ARHGAP24: variants seen among roughly 807,000 people sequenced by gnomAD.
The protein encoded by ARHGAP24 is Rho GTPase activating protein 24.
Under a neutral mutation model 76.4 loss-of-function variants are expected in ARHGAP24, and 50 were observed. That is an observed-to-expected ratio of 0.65 (90% CI 0.52 to 0.83). ARHGAP24 has a LOEUF of 0.83. Ranked by LOEUF, ARHGAP24 falls within the 40% of genes least tolerant of loss-of-function variation. The probability of loss-of-function intolerance (pLI) is 0.00; values close to 1 mark genes in which losing one functional copy is unlikely to be tolerated. For synonymous variants in ARHGAP24, 345 were observed against 323.3 expected, an observed-to-expected ratio of 1.07 and a Z score of -0.72; for missense variants, 930 against 914.2, an observed-to-expected ratio of 1.02 and a Z score of -0.22.
chr4:85,533,016 GA>G (rs1206168067), intron 1 of ARHGAP24, among the ~76,000 whole-genome samples: 20 of 152,162 alleles, frequency 1.3e-4, no homozygotes, highest in African/African-American at 4.8e-4. Context: ...CATCTTCAAG[GA>G]CATCTTCAAG....
chr4:85,664,448 C>T (rs1560575389), intron 2 of ARHGAP24, among the ~76,000 whole-genome samples: 1 of 150,976 alleles, frequency 6.6e-6, no homozygotes, highest in Admixed American at 6.6e-5. Context: ...TTTGTTGATC[C>T]TTTCAAAAAA....
At chr4:85,724,491 G>A (rs5009180) in intron 3 of ARHGAP24, among the ~76,000 whole-genome samples, 1,205 of 10,448 alleles carry the variant, frequency 0.12, 86 homozygotes, top group South Asian at 0.49. Flanking sequence ...TTCCATGTGT[G>A]TATATATATA....
At chr4:85,977,714 C>T in intron 8 of ARHGAP24, 23 bp downstream of exon 8, 30 of 1,611,580 alleles carry the variant, frequency 1.9e-5, no homozygotes, top group Non-Finnish European at 2.5e-5. Flanking sequence ...TTATCTTATA[C>T]CCTTATCAAA....
intron 3 of ARHGAP24, among the ~76,000 whole-genome samples, chr4:85,826,802 C>T (rs901330562): frequency 6.6e-6 from 1 of 152,132 alleles, no homozygotes; most frequent in African/African-American, 2.4e-5. Context: ...TGCTAATGAA[C>T]AGTGGTGGTT....
intron 1 of ARHGAP24, among the ~76,000 whole-genome samples, chr4:85,562,847 A>T (rs1478434659): frequency 6.6e-6 from 1 of 152,208 alleles, no homozygotes; most frequent in Non-Finnish European, 1.5e-5. Context: ...GCAAGAAAGA[A>T]TGACACTAAG....
At position 85,880,042 on chromosome 4, in the gene ARHGAP24, G is replaced by T. The variant is rs528043749; in HGVS notation, c.269-43606G>T. ...CTAACAGGCCATGGATCAGTACCAGGAGGTTGGATGAGGACCCTCAATATA... is the reference window on the plus strand; with the variant it reads ...CTAACAGGCCATGGATCAGTACCAGTAGGTTGGATGAGGACCCTCAATATA... On this transcript the variant is annotated intron_variant, in intron 3 of 9. Transcript: ENST00000395184. Among the ~76,000 whole-genome samples the T allele has an allele frequency of 7.2e-5, 11 of 152,278 alleles. No homozygotes were observed. The East Asian group carries it at 2.1e-3, about 29-fold the overall frequency.
intron 2 of ARHGAP24, among the ~76,000 whole-genome samples, chr4:85,632,592 T>C (rs1721192168): frequency 6.7e-6 from 1 of 149,598 alleles, no homozygotes; most frequent in African/African-American, 2.6e-5. Context: ...GTTTTCAGCC[T>C]TTTATATCGT....
intron 2 of ARHGAP24, among the ~76,000 whole-genome samples, chr4:85,670,859 C>G (rs1722792714): frequency 6.6e-6 from 1 of 152,024 alleles, no homozygotes. Flanking sequence ...CTATGAGCCT[C>G]AGGCAGTTCT....
At chr4:85,559,492 G>A (rs187304344) in intron 1 of ARHGAP24, among the ~76,000 whole-genome samples, 221 of 152,282 alleles carry the variant, frequency 1.5e-3, no homozygotes, top group Non-Finnish European at 2.7e-3. Context: ...TAGACCTCTT[G>A]AACATTTTCC....
chr4:85,475,699 G>GATC (rs1560501114), intron 1 of ARHGAP24, 140 bp downstream of exon 1: 1 of 55,362 alleles, frequency 1.8e-5, no homozygotes. Context: ...GGCGGGGAGG[G>GATC]GGCTGCGGGG....
intron 3 of ARHGAP24, chr4:85,778,717 TACTG>T (rs1727406053): frequency 2.0e-6 from 2 of 985,288 alleles, no homozygotes; most frequent in South Asian, 4.7e-5. Flanking sequence ...GATGGGAGGA[TACTG>T]ACTAAGTCTG....
At chr4:85,677,283 T>C (rs550294004) in intron 2 of ARHGAP24, among the ~76,000 whole-genome samples, 12 of 152,326 alleles carry the variant, frequency 7.9e-5, no homozygotes, top group African/African-American at 2.4e-4. Flanking sequence ...ATTTATCTTG[T>C]AGTCCTGACC....
At chr4:85,939,726 T>G (rs1238559159) in intron 4 of ARHGAP24, among the ~76,000 whole-genome samples, 2 of 152,132 alleles carry the variant, frequency 1.3e-5, no homozygotes, top group African/African-American at 4.8e-5. Context: ...CCGAAAGCTT[T>G]GAGAAAAGAA....
intron 2 of ARHGAP24, among the ~76,000 whole-genome samples, chr4:85,698,783 G>A (rs1018842810): frequency 1.3e-5 from 2 of 152,166 alleles, no homozygotes; most frequent in African/African-American, 4.8e-5. Flanking sequence ...GATATAGTTT[G>A]GATATTTGTC....
At chr4:85,568,956 A>C (rs1483760733) in intron 1 of ARHGAP24, among the ~76,000 whole-genome samples, 1 of 152,242 alleles carries the variant, frequency 6.6e-6, no homozygotes, top group Non-Finnish European at 1.5e-5. Flanking sequence ...TTAGAACGAA[A>C]GTTCTGCTTC....
rs548909075 is a variant in ARHGAP24 at position 85,843,116 on chromosome 4, A to C, written c.269-80532A>C. 5.9e-5 allele frequency among the ~76,000 whole-genome samples: 9 copies of C among 152,330 alleles called. No homozygotes were observed. The South Asian group carries it at 1.9e-3, about 32-fold the overall frequency. Reference sequence around the variant, plus strand: ...TACATATTATTTTGTAGAAAATGCAAGTTTCCTTTCAATTTTCATGACTGC... The same window carrying C: ...TACATATTATTTTGTAGAAAATGCACGTTTCCTTTCAATTTTCATGACTGC... On this transcript the variant is annotated intron_variant, in intron 3 of 9. Transcript: ENST00000395184.
At chr4:85,713,077 C>T (rs181996113) in intron 2 of ARHGAP24, among the ~76,000 whole-genome samples, 8 of 152,182 alleles carry the variant, frequency 5.3e-5, no homozygotes, top group Admixed American at 3.9e-4. Flanking sequence ...ATGGGCAGAT[C>T]GTTTGAGCAT....
At chr4:85,992,005 A>G (rs914839552) in intron 8 of ARHGAP24, 2 of 394,372 alleles carry the variant, frequency 5.1e-6, no homozygotes, top group Non-Finnish European at 9.0e-6. Flanking sequence ...ATTATGTGAT[A>G]TTTAGAGTCA....
chr4:85,613,946 G>C (rs961803327), intron 2 of ARHGAP24, among the ~76,000 whole-genome samples: 2 of 152,132 alleles, frequency 1.3e-5, no homozygotes, highest in African/African-American at 2.4e-5. Flanking sequence ...TTTTTCTTGT[G>C]AGAAATTGAG....
Sources: allele counts gnomAD v4.1 joint callset (sites outside exome capture counted in the v4.1 genomes callset), GRCh38; gene constraint gnomAD v4.1.1; transcripts MANE v1.5; gene names NCBI Gene and HGNC (gene_info 2026-07-23, HGNC 2026-07-21).